The following PNPLA8 variants were observed in gnomAD, a reference collection of about 807,000 sequenced individuals.
PNPLA8 encodes the protein patatin like domain 8, phospholipase A2.
Under a neutral mutation model 76.9 loss-of-function variants are expected in PNPLA8, and 39 were observed. The observed-to-expected ratio is 0.51, with a 90% CI of 0.39 to 0.66. The LOEUF is 0.66. Ranked by LOEUF, PNPLA8 falls within the 30% of genes least tolerant of loss-of-function variation. The probability of loss-of-function intolerance (pLI) is 0.00; values close to 1 mark genes in which losing one functional copy is unlikely to be tolerated. For missense variants in PNPLA8, 887 were observed against 918.0 expected, an observed-to-expected ratio of 0.97 and a Z score of 0.44; for synonymous variants, 301 against 307.9, an observed-to-expected ratio of 0.98 and a Z score of 0.24.
rs545967937 is a variant in PNPLA8, at chr7:108,489,799, G to T, written c.1683+1611C>A. ...ATCTGAGAATAAATACAAGCTGCATGAAATTTCTAGGCACATAAATTCTAT... is the reference window on the plus strand; with the variant it reads ...ATCTGAGAATAAATACAAGCTGCATTAAATTTCTAGGCACATAAATTCTAT... On this transcript the variant is annotated intron_variant, in intron 8 of 10. Coordinates refer to ENST00000257694, the MANE Select transcript of PNPLA8 (RefSeq NM_001256007.3). Among the ~76,000 whole-genome samples the T allele has an allele frequency of 3.3e-4, 50 of 152,306 alleles. No individual in the cohort carries two copies. The South Asian group carries it at 5.2e-3, about 16-fold the overall frequency.
intron 4 of PNPLA8, among the ~76,000 whole-genome samples, chr7:108,506,801 G>GA (rs1862464993): frequency 6.6e-6 from 1 of 152,020 alleles, no homozygotes; most frequent in Non-Finnish European, 1.5e-5. Flanking sequence ...CTAGAATTCT[G>GA]AAAAACTGAT....
At chr7:108,505,335 TATATATATATATA>T (rs1862310127) in intron 4 of PNPLA8, among the ~76,000 whole-genome samples, 22 of 9,824 alleles carry the variant, frequency 2.2e-3, no homozygotes, top group East Asian at 3.4e-3. Flanking sequence ...TATATATATA[TATATATATATATA>T]TATATTTTTT....
chr7:108,487,274 C>T (rs978846602), intron 9 of PNPLA8, among the ~76,000 whole-genome samples: 14 of 152,146 alleles, frequency 9.2e-5, no homozygotes, highest in Non-Finnish European at 2.1e-4. Context: ...AATAACTCTA[C>T]CTCGTAAGTA....
At chr7:108,491,850 C>A (rs1329716825) in intron 7 of PNPLA8, among the ~76,000 whole-genome samples, 1 of 152,110 alleles carries the variant, frequency 6.6e-6, no homozygotes, top group African/African-American at 2.4e-5. Context: ...CAGGGTCCTG[C>A]CAATAGGATA....
intron 10 of PNPLA8, among the ~76,000 whole-genome samples, chr7:108,475,471 G>A: frequency 6.6e-6 from 1 of 151,986 alleles, no homozygotes; most frequent in East Asian, 1.9e-4. Context: ...AGCCTGCTTG[G>A]ATTTTGACAG....
rs911896611 is a variant in PNPLA8, at chr7:108,526,109, A to T, written c.-210T>A. ...ATGACGTCCACTCCAACCGGCCTGC[A>T]TCAGCTGAGCTTCCAACACAAACAC... On this transcript the variant is annotated 5_prime_UTR_variant, in exon 1 of 11. The change abolishes an upstream ATG in the 5' untranslated region. Coordinates refer to ENST00000257694, the MANE Select transcript of PNPLA8 (RefSeq NM_001256007.3). 18 of 985,524 alleles carry T rather than the reference A, an allele frequency of 1.8e-5. No individual in the cohort carries two copies. The highest frequency in any genetic ancestry group is 5.2e-4 in the Middle Eastern group (1 of 1,936). The allele number at this position is 985,524 out of a possible 1,614,324, so 61.0% of individuals were successfully genotyped here.
At chr7:108,489,528 T>G (rs1197865387) in intron 8 of PNPLA8, among the ~76,000 whole-genome samples, 1 of 152,260 alleles carries the variant, frequency 6.6e-6, no homozygotes, top group African/African-American at 2.4e-5. Context: ...ACTGCTTTTA[T>G]GCTCCATAGC....
At chr7:108,498,106 T>A (rs1861680246) in intron 5 of PNPLA8, among the ~76,000 whole-genome samples, 7 of 106,350 alleles carry the variant, frequency 6.6e-5, no homozygotes, top group South Asian at 5.8e-4. Context: ...GATATGCCAA[T>A]ATAAAATTGA....
At chr7:108,489,780 GAA>G (rs1861009525) in intron 8 of PNPLA8, among the ~76,000 whole-genome samples, 1 of 152,118 alleles carries the variant, frequency 6.6e-6, no homozygotes, top group Non-Finnish European at 1.5e-5. Flanking sequence ...CGTTATCTGA[GAA>G]TAAATACAAG....
rs1863161042 is a variant in PNPLA8 at position 108,514,521 on chromosome 7, T to C, written c.971A>G (p.Gln324Arg). 1.2e-6 allele frequency: 2 copies of C among 1,613,848 alleles called. No individual in the cohort carries two copies. The highest frequency in any genetic ancestry group is 8.5e-7 in the Non-Finnish European group (1 of 1,179,724). Residue 324 changes from glutamine to arginine, a missense_variant, in exon 3 of 11, where the codon CAG (glutamine) becomes CGG (arginine). By Grantham distance (43) the Gln-to-Arg change is conservative. Transcript: ENST00000257694. ...CTGATCAGTTTTAGCAGGCTCTTCC[T>C]GTTCTTCTGACTGACTCTTTGAATC... ...KYDSKSQSEEQEEPAKTDQAV... is the reference protein window; with the variant it reads ...KYDSKSQSEEREEPAKTDQAV...
chr7:108,475,603 T>C (rs1160356717), intron 10 of PNPLA8, among the ~76,000 whole-genome samples: 4 of 152,164 alleles, frequency 2.6e-5, no homozygotes, highest in Non-Finnish European at 5.9e-5. Flanking sequence ...TCAGTAATGT[T>C]TTATAGTTTT....
Position 108,502,475 on chromosome 7 carries a change from A to AAAAG in PNPLA8, c.1358+15_1358+16insCTTT. ...AAAAAAAAAAAAAAAAAAAAGAATC[A>AAAAG]TGTTCCTAGCCTTACCTTGTTCCTC... On this transcript the variant is annotated intron_variant, in intron 5 of 10. Coordinates refer to ENST00000257694, the MANE Select transcript of PNPLA8 (RefSeq NM_001256007.3). 1 of 1,175,706 alleles carries AAAAG rather than the reference A, an allele frequency of 8.5e-7. No homozygotes were observed. The allele number at this position is 1,175,706 out of a possible 1,614,324, so 72.8% of individuals were successfully genotyped here. A position where few individuals can be genotyped will look rare whatever the true frequency, so the allele number is the denominator to read the frequency against.
intron 5 of PNPLA8, among the ~76,000 whole-genome samples, chr7:108,498,133 CA>C (rs58243908): frequency 0.3 from 39,776 of 133,556 alleles, 5,573 homozygotes; most frequent in African/African-American, 0.33. Context: ...AAACAAAAAA[CA>C]AAAAAAAAAA....
intron 4 of PNPLA8, among the ~76,000 whole-genome samples, chr7:108,503,144 A>G (rs1862089565): frequency 6.6e-6 from 1 of 152,234 alleles, no homozygotes; most frequent in African/African-American, 2.4e-5. Context: ...GTGAGAAGGT[A>G]AAAGCAGGCC....
chr7:108,495,938 T>G (rs1861516512), intron 7 of PNPLA8, among the ~76,000 whole-genome samples: 2 of 152,236 alleles, frequency 1.3e-5, no homozygotes, highest in Admixed American at 6.5e-5. Context: ...GGAGATATAT[T>G]AAAGTCTACA....
chr7:108,517,516 A>G (rs933266850), intron 2 of PNPLA8, among the ~76,000 whole-genome samples: 3 of 152,218 alleles, frequency 2.0e-5, no homozygotes, highest in African/African-American at 7.2e-5. Flanking sequence ...TATTTTAGTA[A>G]GTGAATGGAT....
chr7:108,520,932 A>C (rs1371606513), intron 2 of PNPLA8, among the ~76,000 whole-genome samples: 1 of 152,130 alleles, frequency 6.6e-6, no homozygotes, highest in Non-Finnish European at 1.5e-5. Context: ...AAAATAATAA[A>C]GCCATGCTCA....
intron 7 of PNPLA8, 37 bp from the exon 8 acceptor site, chr7:108,491,504 T>C (rs1252175953): frequency 1.6e-6 from 2 of 1,256,130 alleles, no homozygotes. Flanking sequence ...TATATCAAAA[T>C]GACTTTATCT....
chr7:108,512,428 A>G (rs1292319839), intron 4 of PNPLA8, among the ~76,000 whole-genome samples: 1 of 152,188 alleles, frequency 6.6e-6, no homozygotes, highest in African/African-American at 2.4e-5. Flanking sequence ...CCTTCATCAC[A>G]GTGAAAAAAT....
Sources: allele counts gnomAD v4.1 joint callset (sites outside exome capture counted in the v4.1 genomes callset), GRCh38; gene constraint gnomAD v4.1.1; transcripts MANE v1.5; gene names NCBI Gene and HGNC (gene_info 2026-07-23, HGNC 2026-07-21).